Variants in PPP3CA observed in about 807,000 individuals in gnomAD.
PPP3CA encodes the protein CAM-PRP catalytic subunit.
In PPP3CA, 14 loss-of-function variants were observed where a neutral mutation model predicts 66.5. The ratio of observed to expected loss-of-function variants is 0.21; its 90% CI spans 0.14 to 0.33. PPP3CA has a LOEUF of 0.33. Ranked by LOEUF, PPP3CA falls within the 10% of genes least tolerant of loss-of-function variation. PPP3CA has a pLI of 1.00. For missense variants in PPP3CA, 317 were observed against 639.5 expected (o/e 0.50, Z 5.44); for synonymous variants, 232 against 226.2 (o/e 1.03, Z -0.23).
At chr4:101,154,873 G>C (rs1181792743) in intron 2 of PPP3CA, among the ~76,000 whole-genome samples, 2 of 136,248 alleles carry the variant, frequency 1.5e-5, no homozygotes, top group Non-Finnish European at 3.0e-5. Flanking sequence ...CTGGAGTGCA[G>C]TGGTGCAATC....
intron 2 of PPP3CA, among the ~76,000 whole-genome samples, chr4:101,133,001 C>T (rs953600466): frequency 6.6e-6 from 1 of 152,182 alleles, no homozygotes; most frequent in Non-Finnish European, 1.5e-5. Context: ...ACAAAAACCA[C>T]ATGATTATTT....
intron 1 of PPP3CA, among the ~76,000 whole-genome samples, chr4:101,245,657 C>A (rs1448683200): frequency 6.6e-6 from 1 of 152,066 alleles, no homozygotes; most frequent in Non-Finnish European, 1.5e-5. Context: ...AATAGATCCT[C>A]TAAATCCTAT....
chr4:101,037,233 A>G (rs1021585561), intron 11 of PPP3CA, among the ~76,000 whole-genome samples: 8 of 152,190 alleles, frequency 5.3e-5, no homozygotes, highest in African/African-American at 1.7e-4. Context: ...GAGATTCCAC[A>G]CCTGACAGGA....
intron 2 of PPP3CA, among the ~76,000 whole-genome samples, chr4:101,161,782 TG>T (rs1723517203): frequency 6.6e-6 from 1 of 152,190 alleles, no homozygotes; most frequent in South Asian, 2.1e-4. Flanking sequence ...AAAAGTCATT[TG>T]TTTCCAAAAG....
chr4:101,110,550 C>A (rs943445279), intron 2 of PPP3CA, among the ~76,000 whole-genome samples: 26 of 152,134 alleles, frequency 1.7e-4, no homozygotes, highest in Non-Finnish European at 3.4e-4. Context: ...ACTAATGCAT[C>A]CCTTTGGTAG....
intron 1 of PPP3CA, among the ~76,000 whole-genome samples, chr4:101,214,625 A>G (rs1725402609): frequency 1.3e-5 from 2 of 152,090 alleles, no homozygotes; most frequent in Admixed American, 6.6e-5. Flanking sequence ...TCAAAACTCA[A>G]TAATGAAACT....
At chr4:101,344,982 G>T (rs1729933719) in intron 1 of PPP3CA, among the ~76,000 whole-genome samples, 1 of 152,114 alleles carries the variant, frequency 6.6e-6, no homozygotes, top group Non-Finnish European at 1.5e-5. Context: ...CTCAATTTTT[G>T]AAAATGTCAA....
chr4:101,186,704 T>C (rs1429447316), intron 2 of PPP3CA, among the ~76,000 whole-genome samples: 1 of 152,110 alleles, frequency 6.6e-6, no homozygotes, highest in Non-Finnish European at 1.5e-5. Flanking sequence ...GGGACAGCTG[T>C]GGTTAGGAGG....
chr4:101,228,391 T>G (rs6819434), intron 1 of PPP3CA, among the ~76,000 whole-genome samples: 17,151 of 151,604 alleles, frequency 0.11, 2,960 homozygotes, highest in African/African-American at 0.37. Flanking sequence ...CCATAGCATA[T>G]AAATTTTTAT....
chr4:101,048,392 G>A (rs1311225529), intron 10 of PPP3CA, among the ~76,000 whole-genome samples: 1 of 151,038 alleles, frequency 6.6e-6, no homozygotes, highest in Non-Finnish European at 1.5e-5. Context: ...TATTTCTAGA[G>A]TTGACAGCTA....
At position 101,095,782 on chromosome 4, in the gene PPP3CA, G is replaced by A. The variant is rs563920526; in HGVS notation, c.643-1867C>T. On this transcript the variant is annotated intron_variant, in intron 5 of 13. Transcript: ENST00000394854. ...TTCTCCTGCCTCAGACTCCTGAGTA[G>A]CTGGGATTACAGGCGCGCGCCACCA... Among the ~76,000 whole-genome samples, 177 of 152,266 alleles carry A rather than the reference G, an allele frequency of 1.2e-3. 1 individual carries two copies. Among genetic ancestry groups the A allele is most frequent in the African/African-American group, 4.2e-3 (175 of 41,550 alleles).
chr4:101,202,269 T>C (rs1724992235), intron 1 of PPP3CA, among the ~76,000 whole-genome samples: 1 of 152,286 alleles, frequency 6.6e-6, no homozygotes, highest in Non-Finnish European at 1.5e-5. Flanking sequence ...AGAATATGTC[T>C]ATTGTAAAAC....
At position 101,062,215 on chromosome 4, in the gene PPP3CA, T is replaced by A. The variant is rs548466522; in HGVS notation, c.1081+1017A>T. Among the ~76,000 whole-genome samples the A allele has an allele frequency of 3.9e-5, 6 of 152,146 alleles. No individual in the cohort carries two copies. The East Asian group carries it at 1.2e-3, about 29-fold the overall frequency. On this transcript the variant is annotated intron_variant, in intron 9 of 13. Transcript: ENST00000394854. ...AGCCAACAGATGACACTACTCCAATTTGATCAGTGCAAGAAAGTTGCAATA... is the reference window on the plus strand; with the variant it reads ...AGCCAACAGATGACACTACTCCAATATGATCAGTGCAAGAAAGTTGCAATA...
intron 2 of PPP3CA, chr4:101,171,289 T>C (rs943075496): frequency 4.4e-6 from 2 of 450,144 alleles, no homozygotes; most frequent in African/African-American, 2.0e-5. Flanking sequence ...GAGCTAAACA[T>C]GTATATTCTT....
At chr4:101,288,825 G>A (rs1578632747) in intron 1 of PPP3CA, among the ~76,000 whole-genome samples, 1 of 151,878 alleles carries the variant, frequency 6.6e-6, no homozygotes, top group Admixed American at 6.6e-5. Flanking sequence ...ATCCAAGCTG[G>A]GGCAATGTGT....
chr4:101,214,783 G>C (rs2135612), intron 1 of PPP3CA, among the ~76,000 whole-genome samples: 26,132 of 151,972 alleles, frequency 0.17, 3,304 homozygotes, highest in East Asian at 0.33. Flanking sequence ...CAAAGGCAAA[G>C]GGCCAAATTT....
At chr4:101,193,488 A>C (rs564012382) in intron 2 of PPP3CA, among the ~76,000 whole-genome samples, 24 of 152,150 alleles carry the variant, frequency 1.6e-4, no homozygotes, top group Non-Finnish European at 2.9e-4. Context: ...AAAAAAAAAA[A>C]CAGAACTGGC....
chr4:101,163,358 G>T (rs897456066), intron 2 of PPP3CA, among the ~76,000 whole-genome samples: 16 of 152,250 alleles, frequency 1.1e-4, no homozygotes, highest in Middle Eastern at 3.4e-3. Flanking sequence ...TGTTCGCCCT[G>T]AGGTCCCTTC....
At chr4:101,062,837 T>G (rs1728527500) in intron 9 of PPP3CA, among the ~76,000 whole-genome samples, 1 of 151,988 alleles carries the variant, frequency 6.6e-6, no homozygotes, top group African/African-American at 2.4e-5. Flanking sequence ...AGCATGGCTA[T>G]CCTAATCTTT....
Sources: allele counts gnomAD v4.1 joint callset (sites outside exome capture counted in the v4.1 genomes callset), GRCh38; gene constraint gnomAD v4.1.1; transcripts MANE v1.5; gene names NCBI Gene and HGNC (gene_info 2026-07-23, HGNC 2026-07-21).